Variants in TFDP2 observed in about 807,000 individuals in gnomAD.
TFDP2 encodes transcription factor Dp-2 (E2F dimerization partner 2).
TFDP2 carries 17 observed loss-of-function variants against 59.3 expected under a neutral mutation model. The observed-to-expected ratio is 0.29, with a 90% CI of 0.20 to 0.43. TFDP2 has a LOEUF of 0.43. Ranked by LOEUF, TFDP2 falls within the 20% of genes least tolerant of loss-of-function variation. The pLI is 1.00. For synonymous variants in TFDP2, 180 were observed against 194.7 expected (o/e 0.92, Z 0.63); for missense variants, 391 against 528.8 (o/e 0.74, Z 2.56).
At chr3:142,039,545 A>G (rs1946856780) in intron 3 of TFDP2, among the ~76,000 whole-genome samples, 2 of 152,122 alleles carry the variant, frequency 1.3e-5, no homozygotes, top group African/African-American at 4.8e-5. Flanking sequence ...AGAAGCAAAC[A>G]TCTTGTTTCT....
chr3:142,003,870 A>G (rs1944012392), intron 4 of TFDP2, among the ~76,000 whole-genome samples: 1 of 152,218 alleles, frequency 6.6e-6, no homozygotes, highest in African/African-American at 2.4e-5. Context: ...GAAAAATTAT[A>G]CATGCTTCCA....
chr3:142,052,769 A>C (rs1268632519), intron 3 of TFDP2, among the ~76,000 whole-genome samples: 1 of 152,010 alleles, frequency 6.6e-6, no homozygotes, highest in South Asian at 2.1e-4. Context: ...CCGCCTCCCA[A>C]GTAGCTGGAA....
At position 142,077,117 on chromosome 3, in the gene TFDP2, C is replaced by T. The variant is rs950338570; in HGVS notation, c.82+15944G>A. ...AACACTGGGCAGAACTCAGCTGATACCCACAGAGGGAACATATAGAACAGC... is the reference window on the plus strand; with the variant it reads ...AACACTGGGCAGAACTCAGCTGATATCCACAGAGGGAACATATAGAACAGC... On this transcript the variant is annotated intron_variant, in intron 3 of 12. Coordinates refer to ENST00000489671, the MANE Select transcript of TFDP2 (RefSeq NM_001178139.2). Among the ~76,000 whole-genome samples the T allele has an allele frequency of 2.0e-5, 3 of 152,270 alleles. No individual in the cohort carries two copies. In the East Asian group the frequency reaches 5.8e-4, roughly 29 times the overall value.
At chr3:142,043,889 A>G in intron 3 of TFDP2, 6 of 1,076,258 alleles carry the variant, frequency 5.6e-6, no homozygotes, top group Non-Finnish European at 8.6e-6. Flanking sequence ...GATTCACAGT[A>G]TCTTCTAAGC....
chr3:142,008,987 CCTCTG>C (rs1944433254), intron 3 of TFDP2, among the ~76,000 whole-genome samples: 1 of 152,162 alleles, frequency 6.6e-6, no homozygotes, highest in Non-Finnish European at 1.5e-5. Context: ...ACCTCCAAAG[CCTCTG>C]CTCTATGCAT....
chr3:142,001,878 T>C (rs899837159), intron 4 of TFDP2, among the ~76,000 whole-genome samples: 5 of 152,184 alleles, frequency 3.3e-5, no homozygotes, highest in Admixed American at 2.0e-4. Context: ...TTAGTTCTTT[T>C]ATTTTTTTGA....
At chr3:142,006,120 G>A (rs963397401) in intron 3 of TFDP2, among the ~76,000 whole-genome samples, 6 of 152,156 alleles carry the variant, frequency 3.9e-5, no homozygotes, top group South Asian at 2.1e-4. Flanking sequence ...GATCTGTACC[G>A]TGTTTTCAAG....
intron 6 of TFDP2, among the ~76,000 whole-genome samples, chr3:141,979,827 G>T (rs1941257491): frequency 6.6e-6 from 1 of 152,040 alleles, no homozygotes; most frequent in African/African-American, 2.4e-5. Flanking sequence ...GACCTCAGGT[G>T]ATCTGCCTGC....
intron 3 of TFDP2, among the ~76,000 whole-genome samples, chr3:142,032,001 G>A (rs1202361266): frequency 6.6e-6 from 1 of 152,126 alleles, no homozygotes; most frequent in African/African-American, 2.4e-5. Flanking sequence ...TGCATGGTTA[G>A]GTGCCAATTT....
intron 3 of TFDP2, among the ~76,000 whole-genome samples, chr3:142,059,753 T>C (rs138301616): frequency 6.6e-5 from 10 of 152,282 alleles, no homozygotes; most frequent in Non-Finnish European, 1.3e-4. Context: ...CTAATTTTTT[T>C]GTCTTTTTAG....
chr3:142,041,784 T>C (rs1188228226), intron 3 of TFDP2, among the ~76,000 whole-genome samples: 2 of 152,246 alleles, frequency 1.3e-5, no homozygotes, highest in Non-Finnish European at 2.9e-5. Flanking sequence ...AGAAGTTTTA[T>C]AGTTTTATAT....
intron 1 of TFDP2, among the ~76,000 whole-genome samples, chr3:142,123,835 G>A (rs1049164868): frequency 4.6e-5 from 7 of 152,102 alleles, no homozygotes; most frequent in Non-Finnish European, 8.8e-5. Context: ...AAAGATAGAA[G>A]TATATAAAGC....
intron 1 of TFDP2, among the ~76,000 whole-genome samples, chr3:142,145,958 G>C (rs73236044): frequency 0.084 from 12,766 of 152,108 alleles, 661 homozygotes; most frequent in Middle Eastern, 0.14. Flanking sequence ...TTCTAATTGG[G>C]TGACCAACCT....
intron 8 of TFDP2, 127 bp from the exon 9 acceptor site, chr3:141,970,268 T>C (rs1479394785): frequency 2.5e-6 from 2 of 792,904 alleles, no homozygotes; most frequent in Non-Finnish European, 4.2e-6. Context: ...ACAATATGAA[T>C]AAAGACAAAT....
intron 3 of TFDP2, among the ~76,000 whole-genome samples, chr3:142,067,430 T>C (rs1315016570): frequency 6.6e-6 from 1 of 151,188 alleles, no homozygotes; most frequent in Non-Finnish European, 1.5e-5. Context: ...ATATATAAGA[T>C]CTCTGGGGGA....
At chr3:141,996,370 G>A (rs1399911047) in intron 4 of TFDP2, among the ~76,000 whole-genome samples, 1 of 152,162 alleles carries the variant, frequency 6.6e-6, no homozygotes, top group Non-Finnish European at 1.5e-5. Context: ...TGGGTATATA[G>A]TTCTATTTTT....
chr3:142,021,020 C>A (rs1307668702), intron 3 of TFDP2, among the ~76,000 whole-genome samples: 4 of 151,958 alleles, frequency 2.6e-5, no homozygotes, highest in East Asian at 1.9e-4. Context: ...TATTTACTAA[C>A]TAGTATTACC....
At chr3:141,957,460 G>A (rs751183616) in intron 11 of TFDP2, among the ~76,000 whole-genome samples, 2 of 152,214 alleles carry the variant, frequency 1.3e-5, no homozygotes, top group Middle Eastern at 3.4e-3. Flanking sequence ...AATTTCACTC[G>A]TAGGTATATG....
intron 9 of TFDP2, among the ~76,000 whole-genome samples, chr3:141,964,996 A>G (rs1330970891): frequency 6.6e-6 from 1 of 152,098 alleles, no homozygotes; most frequent in African/African-American, 2.4e-5. Context: ...AGGCTGCAGT[A>G]AGCCGAGATT....
Sources: allele counts gnomAD v4.1 joint callset (sites outside exome capture counted in the v4.1 genomes callset), GRCh38; gene constraint gnomAD v4.1.1; transcripts MANE v1.5; gene names NCBI Gene and HGNC (gene_info 2026-07-23, HGNC 2026-07-21).